The following MAPKAP1 variants were observed in gnomAD, a reference collection of about 807,000 sequenced individuals.
MAPKAP1 encodes target of rapamycin complex 2 subunit MAPKAP1.
A neutral mutation model predicts 65.7 loss-of-function variants in MAPKAP1; 20 were observed. The ratio of observed to expected loss-of-function variants is 0.30; its 90% CI spans 0.21 to 0.44. MAPKAP1 has a LOEUF of 0.44. MAPKAP1 is among the 20% of genes least tolerant of loss of function. MAPKAP1 has a pLI of 1.00. For missense variants in MAPKAP1, 423 were observed against 648.0 expected, an observed-to-expected ratio of 0.65 and a Z score of 3.77; for synonymous variants, 222 against 244.3, an observed-to-expected ratio of 0.91 and a Z score of 0.85.
Position 125,667,067 on chromosome 9 carries a change from AAGGAG to A in MAPKAP1, c.349+2746_349+2750del, listed in dbSNP as rs1405018361. The stretch of plus-strand genomic sequence containing the variant: ...ACAGAAAAGAGAGAGAAGGAAACTG[AAGGAG>A]AGAAGTATAAGAAGTACATGTCTAC... On this transcript the variant is annotated intron_variant, in intron 3 of 11. Coordinates refer to ENST00000265960, the MANE Select transcript of MAPKAP1 (RefSeq NM_001006617.3). Among the ~76,000 whole-genome samples, 12 of 152,364 alleles carry A rather than the reference AAGGAG, an allele frequency of 7.9e-5. No homozygotes were observed. In the East Asian group the frequency reaches 2.1e-3, roughly 27 times the overall value.
chr9:125,570,825 G>T (rs1434138685), intron 5 of MAPKAP1, among the ~76,000 whole-genome samples: 1 of 151,916 alleles, frequency 6.6e-6, no homozygotes, highest in African/African-American at 2.4e-5. Context: ...TGAACATATT[G>T]GCTAAAGTTA....
intron 7 of MAPKAP1, among the ~76,000 whole-genome samples, chr9:125,534,224 A>G (rs1237462108): frequency 6.6e-6 from 1 of 152,230 alleles, no homozygotes; most frequent in Non-Finnish European, 1.5e-5. Flanking sequence ...ACCTATATGT[A>G]TATCTGTATG....
chr9:125,567,915 C>T (rs1417294354), intron 5 of MAPKAP1: 1 of 152,192 alleles, frequency 6.6e-6, no homozygotes, highest in East Asian at 1.9e-4. Flanking sequence ...ATCTTTCTCT[C>T]GAACCACAAA....
At chr9:125,612,676 A>G (rs1300495715) in intron 4 of MAPKAP1, among the ~76,000 whole-genome samples, 4 of 152,028 alleles carry the variant, frequency 2.6e-5, no homozygotes, top group Non-Finnish European at 4.4e-5. Flanking sequence ...GGCTCTATCA[A>G]TTAAGAGATC....
At chr9:125,446,858 G>T (rs1195212628) in intron 10 of MAPKAP1, among the ~76,000 whole-genome samples, 1 of 152,158 alleles carries the variant, frequency 6.6e-6, no homozygotes, top group African/African-American at 2.4e-5. Context: ...TGTTTTGCCT[G>T]AACAATTGAG....
At chr9:125,683,326 GC>G (rs1564615641) in intron 1 of MAPKAP1, among the ~76,000 whole-genome samples, 1 of 152,020 alleles carries the variant, frequency 6.6e-6, no homozygotes. Flanking sequence ...CTTCTTTCTG[GC>G]CAATAAAACA....
intron 4 of MAPKAP1, among the ~76,000 whole-genome samples, chr9:125,639,031 G>A (rs1415329765): frequency 6.6e-6 from 1 of 152,162 alleles, no homozygotes; most frequent in Non-Finnish European, 1.5e-5. Flanking sequence ...CTGAAGCCAG[G>A]AGTTCGAGAC....
chr9:125,555,638 A>G (rs184806310), intron 6 of MAPKAP1, among the ~76,000 whole-genome samples: 33 of 152,354 alleles, frequency 2.2e-4, no homozygotes, highest in African/African-American at 3.4e-4. Context: ...GCCCACAGAC[A>G]CCTGAAGTTT....
intron 1 of MAPKAP1, among the ~76,000 whole-genome samples, chr9:125,698,312 T>TA (rs1564622526): frequency 2.2e-5 from 1 of 46,490 alleles, no homozygotes; most frequent in South Asian, 5.9e-4. Context: ...TATATATATA[T>TA]ATATATATAT....
At chr9:125,542,924 A>C (rs760631011) in intron 7 of MAPKAP1, 135 bp downstream of exon 7, 1 of 785,888 alleles carries the variant, frequency 1.3e-6, no homozygotes, top group African/African-American at 1.7e-5. Flanking sequence ...CTTTTCTTGC[A>C]TAGATCAGCT....
At chr9:125,620,441 C>A (rs1182900133) in intron 4 of MAPKAP1, among the ~76,000 whole-genome samples, 1 of 152,196 alleles carries the variant, frequency 6.6e-6, no homozygotes, top group Non-Finnish European at 1.5e-5. Flanking sequence ...CCGAAGGAGA[C>A]AATTTGGCAA....
At chr9:125,510,854 A>G in intron 7 of MAPKAP1, among the ~76,000 whole-genome samples, 1 of 152,196 alleles carries the variant, frequency 6.6e-6, no homozygotes, top group East Asian at 1.9e-4. Context: ...CCCTCCAAAA[A>G]GGCCAGGATG....
intron 3 of MAPKAP1, 58 bp from the exon 4 acceptor site, chr9:125,657,857 C>T (rs1834075554): frequency 7.1e-6 from 11 of 1,551,934 alleles, no homozygotes; most frequent in Non-Finnish European, 9.7e-6. Context: ...ACTTGTCCAC[C>T]TTCCCTAAAA....
intron 8 of MAPKAP1, among the ~76,000 whole-genome samples, chr9:125,502,755 C>A (rs1408724550): frequency 6.6e-6 from 1 of 152,142 alleles, no homozygotes; most frequent in Non-Finnish European, 1.5e-5. Flanking sequence ...TACGTATCTG[C>A]AGTTGTAGGG....
intron 4 of MAPKAP1, among the ~76,000 whole-genome samples, chr9:125,608,709 C>T (rs2131624927): frequency 6.6e-6 from 1 of 152,324 alleles, no homozygotes; most frequent in East Asian, 1.9e-4. Flanking sequence ...CCTGGGGTTT[C>T]CTTTCCAACA....
At chr9:125,608,521 G>A (rs1832504923) in intron 4 of MAPKAP1, among the ~76,000 whole-genome samples, 2 of 152,310 alleles carry the variant, frequency 1.3e-5, no homozygotes, top group Admixed American at 6.5e-5. Flanking sequence ...CGCCGCTGTG[G>A]CACCAAAATC....
chr9:125,643,318 C>G lies in MAPKAP1; in HGVS notation c.498+14333G>C, dbSNP rs150053338. On this transcript the variant is annotated intron_variant, in intron 4 of 11. Coordinates refer to ENST00000265960, the MANE Select transcript of MAPKAP1 (RefSeq NM_001006617.3). ...CAAGCAATTCTCTTGCCTCAGCCTC[C>G]CGAGTAACTGAGACTACAGGCACCC... Among the ~76,000 whole-genome samples, 81 of 152,004 alleles carry G rather than the reference C, an allele frequency of 5.3e-4. 2 individuals are homozygous for G. Among genetic ancestry groups the G allele is most frequent in the African/African-American group, 1.8e-3 (76 of 41,450 alleles).
intron 4 of MAPKAP1, among the ~76,000 whole-genome samples, chr9:125,611,877 TTCTG>T (rs1832610299): frequency 6.6e-6 from 1 of 152,190 alleles, no homozygotes; most frequent in Admixed American, 6.5e-5. Context: ...TCAAGCGTAT[TTCTG>T]TCTAACTGAT....
chr9:125,452,405 C>T (rs1311720429), intron 10 of MAPKAP1, among the ~76,000 whole-genome samples: 1 of 152,038 alleles, frequency 6.6e-6, no homozygotes, highest in African/African-American at 2.4e-5. Context: ...GGCCAGGAGT[C>T]ATTCTTTTAA....
Sources: allele counts gnomAD v4.1 joint callset (sites outside exome capture counted in the v4.1 genomes callset), GRCh38; gene constraint gnomAD v4.1.1; transcripts MANE v1.5; gene names NCBI Gene and HGNC (gene_info 2026-07-23, HGNC 2026-07-21).